The following WDR17 variants were observed in gnomAD, a reference collection of about 807,000 sequenced individuals.
WDR17 encodes the protein WD repeat domain 17.
Under a neutral mutation model 161.7 loss-of-function variants are expected in WDR17, and 143 were observed. The ratio of observed to expected loss-of-function variants is 0.88; its 90% CI spans 0.77 to 1.02. The LOEUF (loss-of-function observed/expected upper bound fraction) is 1.02, where lower values mean the gene tolerates loss of function less well. WDR17 is among the 50% of genes least tolerant of loss of function. The pLI, the probability that WDR17 is intolerant of heterozygous loss-of-function variation, is 0.00. For missense variants in WDR17, 1,469 were observed against 1,520.9 expected, an observed-to-expected ratio of 0.97 and a Z score of 0.57; for synonymous variants, 517 against 515.6, an observed-to-expected ratio of 1.00 and a Z score of -0.04.
chr4:176,149,913 T>C lies in WDR17; in HGVS notation c.2004T>C (p.Asn668=), dbSNP rs1327436683. 1.2e-6 allele frequency: 2 copies of C among 1,613,646 alleles called. No individual in the cohort carries two copies. The highest frequency in any genetic ancestry group is 1.7e-6 in the Non-Finnish European group (2 of 1,179,980). ...LTALVTPVQI[N]ILADRSWEEI... is the part of the protein sequence containing the mutation. ...CCTTAGTCACTCCTGTACAAATAAATATTCTGGCAGACAGATCTTGGGAAG... is the reference window on the plus strand; with the variant it reads ...CCTTAGTCACTCCTGTACAAATAAACATTCTGGCAGACAGATCTTGGGAAG... Residue 668 remains asparagine, a synonymous_variant, in exon 14 of 29, where the codon AAT becomes AAC. Transcript: ENST00000508596.
At chr4:176,168,548 A>T in intron 22 of WDR17, 124 bp from the exon 23 acceptor site, 1 of 1,131,628 alleles carries the variant, frequency 8.8e-7, no homozygotes, top group Non-Finnish European at 1.3e-6. Context: ...GGCTATTAAT[A>T]CTGTTTGTGT....
rs531333928 is a variant in WDR17, at chr4:176,177,360, G to A, written c.3549-111G>A. The A allele has an allele frequency of 6.3e-6, 7 of 1,117,534 alleles. No individual in the cohort carries two copies. In the African/African-American group the frequency reaches 9.4e-5, roughly 15 times the overall value. The allele number at this position is 1,117,534 out of a possible 1,614,324, so 69.2% of individuals were successfully genotyped here. The stretch of plus-strand genomic sequence containing the variant: ...CTATAAATTAAGTCTAAAGGGATTT[G>A]TCTCCATCAATAAAGGGGAACTAAA... On this transcript the variant is annotated intron_variant, in intron 27 of 28. Coordinates refer to ENST00000508596, the MANE Select transcript of WDR17 (RefSeq NM_181265.4).
rs544692756 is a variant in WDR17 at position 176,178,587 on chromosome 4, A to G, written c.3733-873A>G. On this transcript the variant is annotated intron_variant, in intron 28 of 28. Coordinates refer to ENST00000508596, the MANE Select transcript of WDR17 (RefSeq NM_181265.4). The stretch of plus-strand genomic sequence containing the variant: ...ATACACTGAGGCCCACGTGACTGGT[A>G]TAGATGGAGTACTGTTCTGCCAGGA... Among the ~76,000 whole-genome samples the G allele has an allele frequency of 5.3e-5, 8 of 152,298 alleles. No homozygotes were observed. In the East Asian group the frequency reaches 1.3e-3, roughly 26 times the overall value.
chr4:176,106,946 G>C (rs775250694), intron 1 of WDR17, among the ~76,000 whole-genome samples: 1 of 151,872 alleles, frequency 6.6e-6, no homozygotes, highest in Non-Finnish European at 1.5e-5. Flanking sequence ...TGTAGAAAAA[G>C]AAAAAGAGGA....
chr4:176,162,037 C>T, intron 20 of WDR17, 38 bp from the exon 21 acceptor site: 1 of 1,513,742 alleles, frequency 6.6e-7, no homozygotes. Context: ...TAATGGAATA[C>T]TTGTGTTTAT....
At chr4:176,114,721 A>G (rs920150077) in intron 2 of WDR17, among the ~76,000 whole-genome samples, 1 of 151,838 alleles carries the variant, frequency 6.6e-6, no homozygotes. Flanking sequence ...AAACAGGTAT[A>G]ATAAGATAGA....
At chr4:176,112,092 A>C (rs973184974) in intron 2 of WDR17, among the ~76,000 whole-genome samples, 1 of 152,182 alleles carries the variant, frequency 6.6e-6, no homozygotes, top group African/African-American at 2.4e-5. Flanking sequence ...TAGAGCCAAA[A>C]ACCGCCTGAA....
chr4:176,108,798 G>GTTTA (rs1298607849), intron 1 of WDR17, among the ~76,000 whole-genome samples: 4 of 151,990 alleles, frequency 2.6e-5, no homozygotes, highest in Non-Finnish European at 5.9e-5. Context: ...AATGACTTTT[G>GTTTA]TTTATTTATT....
At chr4:176,094,308 T>G (rs1341459173) in intron 1 of WDR17, among the ~76,000 whole-genome samples, 1 of 152,228 alleles carries the variant, frequency 6.6e-6, no homozygotes, top group Non-Finnish European at 1.5e-5. Flanking sequence ...ATACATTTTG[T>G]ATCTTCTATA....
At chr4:176,100,759 T>C (rs1437271125) in intron 1 of WDR17, among the ~76,000 whole-genome samples, 1 of 152,114 alleles carries the variant, frequency 6.6e-6, no homozygotes, top group Admixed American at 6.6e-5. Context: ...TTGTTTTTTT[T>C]AATATGGTGA....
At position 176,171,922 on chromosome 4, in the gene WDR17, T is replaced by C. The variant is rs538569329; in HGVS notation, c.3103-453T>C. On this transcript the variant is annotated intron_variant, in intron 23 of 28. Transcript: ENST00000508596. ...TTGTGTCTCTGAAATAAGGTTGCTT[T>C]GTTTCAAAAGCCAAGTGACGTTAAA... Among the ~76,000 whole-genome samples, 3 of 152,336 alleles carry C rather than the reference T, an allele frequency of 2.0e-5. No individual in the cohort carries two copies. In the East Asian group the frequency reaches 5.8e-4, roughly 29 times the overall value.
chr4:176,133,191 T>A (rs1202789459), intron 7 of WDR17, among the ~76,000 whole-genome samples: 6 of 146,004 alleles, frequency 4.1e-5, no homozygotes, highest in Admixed American at 3.4e-4. Context: ...TTTATTTTTT[T>A]TTTTTTACCA....
chr4:176,132,540 C>T (rs1425164225), intron 7 of WDR17, among the ~76,000 whole-genome samples: 5 of 151,826 alleles, frequency 3.3e-5, no homozygotes, highest in African/African-American at 1.2e-4. Flanking sequence ...GTCCTTGTAA[C>T]TGAAGGGAGA....
At chr4:176,150,333 A>G in intron 15 of WDR17, 135 bp from the exon 16 acceptor site, 18 of 1,435,862 alleles carry the variant, frequency 1.3e-5, no homozygotes, top group Non-Finnish European at 1.7e-5. Flanking sequence ...ACTAGAAACA[A>G]TACATGAGAT....
At chr4:176,172,207 T>C in intron 23 of WDR17, 168 bp from the exon 24 acceptor site, 1 of 609,488 alleles carries the variant, frequency 1.6e-6, no homozygotes, top group East Asian at 3.2e-5. Flanking sequence ...ATCTTAAAGG[T>C]ATTTCCATAA....
At chr4:176,101,358 A>G (rs1347726111) in intron 1 of WDR17, among the ~76,000 whole-genome samples, 6 of 152,164 alleles carry the variant, frequency 3.9e-5, no homozygotes, top group Non-Finnish European at 5.9e-5. Context: ...CTAAAGGCCT[A>G]TTTACAGCAC....
At chr4:176,130,698 TCA>T (rs1743281881) in intron 6 of WDR17, among the ~76,000 whole-genome samples, 1 of 145,152 alleles carries the variant, frequency 6.9e-6, no homozygotes, top group Non-Finnish European at 1.5e-5. Context: ...TGAGCCGAGA[TCA>T]TGCCACAGCA....
At chr4:176,174,521 C>A in intron 25 of WDR17, 96 bp from the exon 26 acceptor site, 1 of 819,834 alleles carries the variant, frequency 1.2e-6, no homozygotes. Context: ...ATAAATGTCA[C>A]CTTTCAGAAT....
intron 1 of WDR17, among the ~76,000 whole-genome samples, chr4:176,089,752 G>T (rs1735880253): frequency 6.6e-6 from 1 of 152,140 alleles, no homozygotes; most frequent in South Asian, 2.1e-4. Context: ...TGGGGACTAA[G>T]ATTTTTCCCA....
Sources: allele counts gnomAD v4.1 joint callset (sites outside exome capture counted in the v4.1 genomes callset), GRCh38; gene constraint gnomAD v4.1.1; transcripts MANE v1.5; gene names NCBI Gene and HGNC (gene_info 2026-07-23, HGNC 2026-07-21).